ATXN2: variants seen among roughly 807,000 people sequenced by gnomAD.
ATXN2 encodes ataxin-2.
In ATXN2, 37 loss-of-function variants were observed where a neutral mutation model predicts 138.6. The observed-to-expected ratio is 0.27, with a 90% confidence interval of 0.21 to 0.35. The LOEUF is 0.35. Among genes scored for constraint, ATXN2 ranks in the 10% least tolerant of loss-of-function variants. The pLI is 1.00. For missense variants in ATXN2, 1,216 were observed against 1,480.3 expected (o/e 0.82, Z 2.93); for synonymous variants, 549 against 543.7 (o/e 1.01, Z -0.13).
intron 23 of ATXN2, chr12:111,455,116 C>T (rs1411489777): frequency 4.3e-6 from 3 of 702,924 alleles, no homozygotes; most frequent in Admixed American, 4.0e-5. Context: ...GCCTCACTGG[C>T]GCACTATTTA....
chr12:111,543,065 C>T (rs1431545066), intron 5 of ATXN2, among the ~76,000 whole-genome samples: 2 of 152,080 alleles, frequency 1.3e-5, no homozygotes, highest in African/African-American at 4.8e-5. Flanking sequence ...TTTAGCTTTC[C>T]ATTACATAGA....
chr12:111,584,377 CAA>C (rs58678794), intron 1 of ATXN2, among the ~76,000 whole-genome samples: 62 of 44,724 alleles, frequency 1.4e-3, no homozygotes, highest in East Asian at 2.2e-3. Flanking sequence ...GACCCTGTCT[CAA>C]AAAAAAAAAA....
intron 14 of ATXN2, among the ~76,000 whole-genome samples, chr12:111,504,167 G>A (rs1413245202): frequency 6.6e-6 from 1 of 152,214 alleles, no homozygotes; most frequent in Non-Finnish European, 1.5e-5. Flanking sequence ...AATCAAGACA[G>A]TATGGTACTG....
intron 3 of ATXN2, among the ~76,000 whole-genome samples, chr12:111,553,219 C>G (rs1195172190): frequency 6.6e-6 from 1 of 152,108 alleles, no homozygotes; most frequent in Non-Finnish European, 1.5e-5. Flanking sequence ...CTGACCCCAG[C>G]TATTTTAAGT....
chr12:111,585,820 A>C (rs958141183), intron 1 of ATXN2, among the ~76,000 whole-genome samples: 1 of 149,410 alleles, frequency 6.7e-6, no homozygotes, highest in Non-Finnish European at 1.5e-5. Context: ...AAAAAAAAAA[A>C]AAAAAAAAAA....
At chr12:111,490,599 G>A (rs1335977694) in intron 14 of ATXN2, among the ~76,000 whole-genome samples, 1 of 152,032 alleles carries the variant, frequency 6.6e-6, no homozygotes, top group Non-Finnish European at 1.5e-5. Flanking sequence ...CCCCAACAAG[G>A]AGCACCAAAT....
At chr12:111,588,519 G>A (rs1884459164) in intron 1 of ATXN2, among the ~76,000 whole-genome samples, 1 of 151,880 alleles carries the variant, frequency 6.6e-6, no homozygotes. Context: ...CTACTCAGGA[G>A]GCTGAGGCAG....
At chr12:111,533,057 T>C (rs1003363612) in intron 5 of ATXN2, among the ~76,000 whole-genome samples, 2 of 152,178 alleles carry the variant, frequency 1.3e-5, no homozygotes, top group African/African-American at 4.8e-5. Flanking sequence ...GTAAAGTTTA[T>C]AGCTGTGGTC....
At chr12:111,539,539 A>C (rs1881377032) in intron 5 of ATXN2, among the ~76,000 whole-genome samples, 1 of 150,208 alleles carries the variant, frequency 6.7e-6, no homozygotes, top group African/African-American at 2.4e-5. Context: ...CGAGGTCAGG[A>C]GATTGAGACC....
chr12:111,586,133 G>C (rs1018870800), intron 1 of ATXN2, among the ~76,000 whole-genome samples: 1 of 151,856 alleles, frequency 6.6e-6, no homozygotes, highest in African/African-American at 2.4e-5. Flanking sequence ...TTGAACTCCT[G>C]GGCTCAGGTA....
At chr12:111,505,637 T>C (rs1879058303) in intron 14 of ATXN2, among the ~76,000 whole-genome samples, 1 of 152,174 alleles carries the variant, frequency 6.6e-6, no homozygotes, top group Non-Finnish European at 1.5e-5. Flanking sequence ...AAAGCCACAA[T>C]GAGGTTAACA....
At chr12:111,485,998 C>A in intron 16 of ATXN2, 133 bp from the exon 17 acceptor site, 2 of 738,432 alleles carry the variant, frequency 2.7e-6, no homozygotes, top group South Asian at 8.6e-5. Flanking sequence ...AACAAAAACA[C>A]AGCACATAAA....
chr12:111,470,465 C>T (rs1876331033), intron 19 of ATXN2, 93 bp downstream of exon 19: 1 of 1,464,918 alleles, frequency 6.8e-7, no homozygotes, highest in South Asian at 1.3e-5. Flanking sequence ...TACCATCACA[C>T]AAAAGCAAAA....
intron 21 of ATXN2, 90 bp downstream of exon 21, chr12:111,464,572 T>C: frequency 7.1e-6 from 7 of 988,888 alleles, no homozygotes; most frequent in Non-Finnish European, 1.1e-5. Context: ...ACAAGGAAAA[T>C]ATTGTTCAAC....
rs998796400 is a variant in ATXN2, at chr12:111,598,192, C to T, written c.251+592G>A. The T allele has an allele frequency of 1.9e-6, 2 of 1,056,926 alleles. No individual in the cohort carries two copies. The highest frequency in any genetic ancestry group is 2.3e-6 in the Non-Finnish European group (2 of 870,606). 65.5% of individuals were successfully genotyped at this position (1,056,926 alleles called of 1,614,324 possible). A position where few individuals can be genotyped will look rare whatever the true frequency, so the allele number is the denominator to read the frequency against. On this transcript the variant is annotated intron_variant, in intron 1 of 24. Transcript: ENST00000673436. This position sits in a 1 kb window ranked among gnomAD's most constrained non-coding sequence, Gnocchi z 4.5. ...AAGGCCCACTTGTCTCCACCCCGTC[C>T]TCCGATCTTTCCCAGGACTCGGAGG...
intron 1 of ATXN2, among the ~76,000 whole-genome samples, chr12:111,596,103 G>A (rs1408766626): frequency 1.3e-5 from 2 of 152,024 alleles, no homozygotes; most frequent in East Asian, 1.9e-4. Context: ...GGGAGGCTGA[G>A]GCTGGAGAAT....
intron 18 of ATXN2, among the ~76,000 whole-genome samples, chr12:111,473,453 T>C (rs936572224): frequency 6.6e-6 from 1 of 152,170 alleles, no homozygotes; most frequent in African/African-American, 2.4e-5. Flanking sequence ...AAGAAAGCTA[T>C]ACCTCAGGGT....
In ATXN2 at chr12:111,456,258, T is replaced by C. The variant is rs774655644; in HGVS notation, c.3043-2A>G. Reference sequence around the variant, plus strand: ...CTGGGCGGCCTGGTGCTGATGGTGCTGCAAAGCGACAGGAAAGAATTGAGA... The same window carrying C: ...CTGGGCGGCCTGGTGCTGATGGTGCCGCAAAGCGACAGGAAAGAATTGAGA... On this transcript the variant is annotated splice_acceptor_variant, in intron 22 of 24. Coordinates refer to ENST00000673436, the MANE Select transcript of ATXN2 (RefSeq NM_001372574.1). LOFTEE classifies it high-confidence loss of function. 3.1e-6 allele frequency: 5 copies of C among 1,613,996 alleles called. No individual in the cohort carries two copies. Among genetic ancestry groups the C allele is most frequent in the Non-Finnish European group, 4.2e-6 (5 of 1,179,972 alleles).
intron 1 of ATXN2, among the ~76,000 whole-genome samples, chr12:111,585,590 A>C (rs538372435): frequency 2.8e-4 from 43 of 151,872 alleles, no homozygotes; most frequent in Non-Finnish European, 5.4e-4. Flanking sequence ...GGATCACCTG[A>C]GGTCAGGAGT....
Sources: gnomAD v4.1 joint callset for allele counts (sites outside exome capture counted in the v4.1 genomes callset) on GRCh38, gnomAD v4.1.1 for gene constraint, Gnocchi (gnomAD v3.1) non-coding constraint, MANE v1.5 for transcripts, NCBI Gene and HGNC (gene_info 2026-07-23, HGNC 2026-07-21) for gene names.